The following SPAG9 variants were observed in gnomAD, a reference collection of about 807,000 sequenced individuals.
SPAG9 encodes the protein C-Jun-amino-terminal kinase-interacting protein 4.
SPAG9 carries 35 observed loss-of-function variants against 166.5 expected under a neutral mutation model. That is an observed-to-expected ratio of 0.21 (90% CI 0.16 to 0.28). The LOEUF is 0.28. SPAG9 is among the 10% of genes least tolerant of loss of function. The pLI, the probability that SPAG9 is intolerant of heterozygous loss-of-function variation, is 1.00. For synonymous variants in SPAG9, 534 were observed against 565.5 expected (o/e 0.94, Z 0.79); for missense variants, 1,235 against 1,603.3 (o/e 0.77, Z 3.92).
intron 12 of SPAG9, among the ~76,000 whole-genome samples, chr17:51,004,069 G>A (rs1424980392): frequency 3.9e-5 from 6 of 152,080 alleles, no homozygotes; most frequent in Admixed American, 6.5e-5. Flanking sequence ...ATGCCACTGA[G>A]GAAAAGAAGC....
intron 18 of SPAG9, among the ~76,000 whole-genome samples, chr17:50,994,732 G>C (rs1436515224): frequency 6.6e-6 from 1 of 152,212 alleles, no homozygotes; most frequent in Non-Finnish European, 1.5e-5. Context: ...CTATGTGATA[G>C]AGTGAGACTC....
At chr17:50,974,699 AGGTAGT>A in intron 28 of SPAG9, 66 bp downstream of exon 28, 5 of 1,330,668 alleles carry the variant, frequency 3.8e-6, no homozygotes, top group Non-Finnish European at 5.1e-6. Flanking sequence ...TTAGACTATT[AGGTAGT>A]GGAACCAAGA....
At chr17:51,010,225 A>G (rs1481621485) in intron 9 of SPAG9, among the ~76,000 whole-genome samples, 1 of 152,202 alleles carries the variant, frequency 6.6e-6, no homozygotes, top group Non-Finnish European at 1.5e-5. Flanking sequence ...TTCCAAAGGT[A>G]CATTGCTCTC....
intron 4 of SPAG9, 136 bp from the exon 5 acceptor site, chr17:51,041,787 A>G: frequency 1.3e-6 from 1 of 778,808 alleles, no homozygotes; most frequent in Admixed American, 2.5e-5. Flanking sequence ...CCATCTGAAT[A>G]AAACAGACTT....
chr17:50,978,325 T>A (rs1362940657), intron 26 of SPAG9, among the ~76,000 whole-genome samples: 2 of 152,236 alleles, frequency 1.3e-5, no homozygotes, highest in Non-Finnish European at 2.9e-5. Flanking sequence ...AGTTTGTGTT[T>A]GCATGTGTAT....
chr17:51,048,214 A>C (rs2047083768), intron 3 of SPAG9, among the ~76,000 whole-genome samples: 1 of 152,132 alleles, frequency 6.6e-6, no homozygotes, highest in African/African-American at 2.4e-5. Context: ...TAAACTGCCA[A>C]GAACTTCTAA....
intron 4 of SPAG9, chr17:51,042,522 G>C (rs1460169134): frequency 6.6e-6 from 1 of 152,156 alleles, no homozygotes; most frequent in East Asian, 1.9e-4. Context: ...ATACACTAAA[G>C]GTTTGGTGCC....
intron 9 of SPAG9, among the ~76,000 whole-genome samples, chr17:51,008,857 C>G (rs2045337419): frequency 6.6e-6 from 1 of 152,060 alleles, no homozygotes; most frequent in South Asian, 2.1e-4. Context: ...AATTTTTATT[C>G]CTTTGTAGAT....
chr17:50,994,007 C>T (rs752738198), intron 18 of SPAG9, 72 bp from the exon 19 acceptor site: 1 of 1,275,210 alleles, frequency 7.8e-7, no homozygotes, highest in East Asian at 2.4e-5. Flanking sequence ...GGTGCTGTTA[C>T]AGTAAAAGGC....
At position 50,996,700 on chromosome 17, in the gene SPAG9, A is replaced by G. The variant is rs2044697658; in HGVS notation, c.1839-6T>C. 5 of 1,613,864 alleles carry G rather than the reference A, an allele frequency of 3.1e-6. No homozygotes were observed. Among genetic ancestry groups the G allele is most frequent in the Non-Finnish European group, 4.2e-6 (5 of 1,179,860 alleles). On this transcript the variant is annotated splice_polypyrimidine_tract_variant and splice_region_variant and intron_variant, in intron 15 of 29. Transcript: ENST00000262013. Reference sequence around the variant, plus strand: ...AGGCTAAACTAGCTTCAGTTCTAAAAGGAAAAAAGATTTTCCTAATTACAT... The same window carrying G: ...AGGCTAAACTAGCTTCAGTTCTAAAGGGAAAAAAGATTTTCCTAATTACAT...
chr17:51,043,855 T>C (rs2046929717), intron 4 of SPAG9, among the ~76,000 whole-genome samples: 1 of 152,198 alleles, frequency 6.6e-6, no homozygotes, highest in Non-Finnish European at 1.5e-5. Context: ...TTGAAAAAGT[T>C]TAAAACTATT....
At chr17:50,996,455 C>T (rs1031981105) in intron 16 of SPAG9, 110 bp downstream of exon 16, 20 of 1,260,936 alleles carry the variant, frequency 1.6e-5, no homozygotes, top group Admixed American at 5.9e-5. Flanking sequence ...CCAGTCCATG[C>T]GGCTGAGATG....
chr17:50,986,778 C>T (rs1975080791), intron 22 of SPAG9, among the ~76,000 whole-genome samples: 1 of 152,200 alleles, frequency 6.6e-6, no homozygotes, highest in African/African-American at 2.4e-5. Flanking sequence ...TGCCCACATT[C>T]TAGCCTACAT....
intron 12 of SPAG9, 81 bp from the exon 13 acceptor site, chr17:51,001,926 T>G (rs1431932752): frequency 7.3e-7 from 1 of 1,366,700 alleles, no homozygotes; most frequent in African/African-American, 1.5e-5. Context: ...GCAAAATCTT[T>G]CAGTTTTTAA....
In SPAG9 at chr17:51,064,808, G is replaced by A. The variant is rs1368976457; in HGVS notation, c.425-8326C>T. On this transcript the variant is annotated intron_variant, in intron 2 of 29. Coordinates refer to ENST00000262013, the MANE Select transcript of SPAG9 (RefSeq NM_001130528.3). ...AACCTTGAAAATTGTACTAAAAACC[G>A]CTGAATTGTACACTTCAAAATGGTG... is the stretch of plus-strand genomic sequence containing the variant. 3.3e-5 allele frequency among the ~76,000 whole-genome samples: 5 copies of A among 152,066 alleles called. No homozygotes were observed. In the South Asian group the frequency reaches 6.2e-4, roughly 19 times the overall value.
At chr17:50,980,832 T>C (rs1974545141) in intron 25 of SPAG9, among the ~76,000 whole-genome samples, 1 of 152,062 alleles carries the variant, frequency 6.6e-6, no homozygotes, top group African/African-American at 2.4e-5. Flanking sequence ...ATCCCGTCTC[T>C]ACAAATAAAC....
At chr17:50,972,343 CATTTAA>C (rs1216808409) in intron 28 of SPAG9, among the ~76,000 whole-genome samples, 2 of 152,220 alleles carry the variant, frequency 1.3e-5, no homozygotes, top group Non-Finnish European at 2.9e-5. Flanking sequence ...TCATAATTAA[CATTTAA>C]ATTTATTTCA....
chr17:51,095,904 T>C (rs1426737147), intron 1 of SPAG9, among the ~76,000 whole-genome samples: 6 of 143,032 alleles, frequency 4.2e-5, no homozygotes, highest in African/African-American at 1.6e-4. Flanking sequence ...TACAGTGATA[T>C]ATATAGTGAT....
chr17:51,079,769 A>G, intron 1 of SPAG9, 65 bp from the exon 2 acceptor site: 1 of 1,104,382 alleles, frequency 9.1e-7, no homozygotes, highest in East Asian at 2.4e-5. Context: ...AACTCCTGTT[A>G]TTTCTTGGAA....
Sources: gnomAD v4.1 joint callset for allele counts (sites outside exome capture counted in the v4.1 genomes callset) on GRCh38, gnomAD v4.1.1 for gene constraint, MANE v1.5 for transcripts, NCBI Gene and HGNC (gene_info 2026-07-23, HGNC 2026-07-21) for gene names.